DLG2: variants seen among roughly 807,000 people sequenced by gnomAD.
DLG2 encodes the protein discs large MAGUK scaffold protein 2, also known as disks large homolog 2.
A neutral mutation model predicts 132.5 loss-of-function variants in DLG2; 45 were observed. The ratio of observed to expected loss-of-function variants is 0.34; its 90% confidence interval spans 0.27 to 0.44. The LOEUF is 0.44. Ranked by LOEUF, DLG2 falls within the 20% of genes least tolerant of loss-of-function variation. The pLI, the probability that DLG2 is intolerant of heterozygous loss-of-function variation, is 1.00. For missense variants in DLG2, 1,045 were observed against 1,196.9 expected (o/e 0.87, Z 1.87); for synonymous variants, 424 against 419.6 (o/e 1.01, Z -0.13).
intron 18 of DLG2, among the ~76,000 whole-genome samples, chr11:83,783,415 T>C (rs1157823805): frequency 6.6e-6 from 1 of 152,254 alleles, no homozygotes; most frequent in Non-Finnish European, 1.5e-5. Context: ...CTAAAGACTA[T>C]GAGGAACACA....
intron 3 of DLG2, among the ~76,000 whole-genome samples, chr11:85,464,499 C>A (rs968914756): frequency 6.6e-6 from 1 of 152,038 alleles, no homozygotes; most frequent in Non-Finnish European, 1.5e-5. Context: ...GGTGGAGCCA[C>A]AGGATCAGCT....
intron 6 of DLG2, among the ~76,000 whole-genome samples, chr11:84,696,389 C>T (rs542840447): frequency 1.4e-4 from 21 of 151,418 alleles, no homozygotes; most frequent in Admixed American, 5.3e-4. Flanking sequence ...GGTATTTTGC[C>T]CAAGATCACA....
intron 22 of DLG2, chr11:83,480,775 T>G: frequency 1.5e-6 from 1 of 666,546 alleles, no homozygotes; most frequent in Non-Finnish European, 2.5e-6. Context: ...AGTGTTTTCT[T>G]GACTATAAAT....
chr11:83,720,661 G>A (rs912112863), intron 18 of DLG2, among the ~76,000 whole-genome samples: 3 of 150,834 alleles, frequency 2.0e-5, no homozygotes, highest in Non-Finnish European at 2.9e-5. Context: ...TTCACAGTCC[G>A]TCTTGAATAT....
At chr11:85,506,829 C>T (rs2153144711) in intron 3 of DLG2, among the ~76,000 whole-genome samples, 1 of 152,208 alleles carries the variant, frequency 6.6e-6, no homozygotes, top group South Asian at 2.1e-4. Flanking sequence ...TTAAAGCCTC[C>T]AACTATTACT....
At chr11:85,594,081 G>A (rs1433707268) in intron 3 of DLG2, among the ~76,000 whole-genome samples, 1 of 151,972 alleles carries the variant, frequency 6.6e-6, no homozygotes, top group Non-Finnish European at 1.5e-5. Context: ...TATAAAAAGG[G>A]GCAGAAGTAT....
At chr11:84,686,617 A>T (rs977692666) in intron 6 of DLG2, among the ~76,000 whole-genome samples, 6 of 148,284 alleles carry the variant, frequency 4.0e-5, no homozygotes, top group Admixed American at 2.7e-4. Context: ...AAATTCTTTC[A>T]ACTGGCCTTG....
intron 8 of DLG2, among the ~76,000 whole-genome samples, chr11:84,208,360 T>A (rs76276217): frequency 1.3e-5 from 2 of 148,858 alleles, no homozygotes; most frequent in Non-Finnish European, 3.0e-5. Context: ...TTTTTTTTTT[T>A]GGTGAGATGG....
intron 7 of DLG2, among the ~76,000 whole-genome samples, chr11:84,271,949 C>CAAAAAAAAAAAAAAAAAAAAAAAAAAAAA (rs71036417): frequency 1.3e-5 from 1 of 77,792 alleles, no homozygotes; most frequent in Non-Finnish European, 2.6e-5. Context: ...TTGATAATAA[C>CAAAAAAAAAAAAAAAAAAAAAAAAAAAAA]AAAAAAAAAA....
At chr11:85,553,752 A>G (rs1463404481) in intron 3 of DLG2, among the ~76,000 whole-genome samples, 1 of 151,574 alleles carries the variant, frequency 6.6e-6, no homozygotes, top group Admixed American at 6.6e-5. Flanking sequence ...ACCAAGAATA[A>G]GTTTACAGAA....
At chr11:84,088,639 T>C (rs2097034108) in intron 10 of DLG2, among the ~76,000 whole-genome samples, 2 of 152,160 alleles carry the variant, frequency 1.3e-5, no homozygotes, top group Admixed American at 1.3e-4. Context: ...ACAGAACCAC[T>C]TGCTAGGTGA....
At chr11:84,544,348 C>T (rs1207897153) in intron 6 of DLG2, among the ~76,000 whole-genome samples, 1 of 152,202 alleles carries the variant, frequency 6.6e-6, no homozygotes, top group Non-Finnish European at 1.5e-5. Context: ...TAAGATGCCA[C>T]ACATTGAGGA....
chr11:85,510,637 G>A (rs2094041460), intron 3 of DLG2, among the ~76,000 whole-genome samples: 1 of 152,150 alleles, frequency 6.6e-6, no homozygotes, highest in Non-Finnish European at 1.5e-5. Context: ...ATCATCACTG[G>A]CCATCAGAGA....
chr11:85,572,491 C>T (rs2077899893), intron 3 of DLG2, among the ~76,000 whole-genome samples: 1 of 152,086 alleles, frequency 6.6e-6, no homozygotes, highest in African/African-American at 2.4e-5. Context: ...CCAAAAAATT[C>T]CCATGTTTTC....
At chr11:83,842,826 AAAAAAAAG>A (rs1292902748) in intron 16 of DLG2, among the ~76,000 whole-genome samples, 3 of 148,058 alleles carry the variant, frequency 2.0e-5, no homozygotes, top group African/African-American at 4.9e-5. Context: ...CAAAAAAAAA[AAAAAAAAG>A]AAGGAAAATT....
intron 6 of DLG2, among the ~76,000 whole-genome samples, chr11:84,803,395 G>A (rs941120479): frequency 6.6e-6 from 1 of 152,148 alleles, no homozygotes; most frequent in Non-Finnish European, 1.5e-5. Flanking sequence ...ACTATGAATA[G>A]AGAGATTAAA....
chr11:84,039,423 T>A (rs1430333780), intron 11 of DLG2, among the ~76,000 whole-genome samples: 1 of 125,648 alleles, frequency 8.0e-6, no homozygotes, highest in Admixed American at 9.3e-5. Flanking sequence ...CCTGTGTCCA[T>A]GTGATCTCAT....
chr11:84,565,619 A>T (rs1290710633), intron 6 of DLG2, among the ~76,000 whole-genome samples: 1 of 152,146 alleles, frequency 6.6e-6, no homozygotes, highest in Non-Finnish European at 1.5e-5. Context: ...ACTCATGTTC[A>T]AATGTCAGAT....
chr11:83,482,610 C>A (rs1279536982), intron 22 of DLG2, among the ~76,000 whole-genome samples: 1 of 152,000 alleles, frequency 6.6e-6, no homozygotes, highest in Non-Finnish European at 1.5e-5. Flanking sequence ...TAATAAATCA[C>A]TGATAGGCAT....
Sources: gnomAD v4.1 joint callset for allele counts (sites outside exome capture counted in the v4.1 genomes callset) on GRCh38, gnomAD v4.1.1 for gene constraint, MANE v1.5 for transcripts, NCBI Gene and HGNC (gene_info 2026-07-23, HGNC 2026-07-21) for gene names.